Variants in COL22A1 observed in about 807,000 individuals in gnomAD.
The protein encoded by COL22A1 is collagen type XXII alpha 1 chain.
A neutral mutation model predicts 248.9 loss-of-function variants in COL22A1; 221 were observed. That is an observed-to-expected ratio of 0.89 (90% confidence interval 0.80 to 0.99). The LOEUF (loss-of-function observed/expected upper bound fraction) is 0.99. Ranked by LOEUF, COL22A1 falls within the 50% of genes least tolerant of loss-of-function variation. The pLI is 0.00. For missense variants in COL22A1, 2,240 were observed against 2,179.0 expected, an observed-to-expected ratio of 1.03 and a Z score of -0.56; for synonymous variants, 891 against 793.4, an observed-to-expected ratio of 1.12 and a Z score of -2.07.
rs999834326 is a variant in COL22A1, at chr8:138,604,980, C to T, written c.4105-211G>A. On this transcript the variant is annotated intron_variant, in intron 58 of 64. Coordinates refer to ENST00000303045, the MANE Select transcript of COL22A1 (RefSeq NM_152888.3). ...CACCCCAGGTTAGGAAGAAGAGCCA[C>T]GGGTTAAGAGCTCCTTGTCAATGGG... is the stretch of plus-strand genomic sequence containing the variant. Among the ~76,000 whole-genome samples, 9 of 152,258 alleles carry T rather than the reference C, an allele frequency of 5.9e-5. No individual in the cohort carries two copies. The South Asian group carries it at 8.3e-4, about 14-fold the overall frequency.
intron 26 of COL22A1, among the ~76,000 whole-genome samples, chr8:138,721,276 CAGTTGCCTTTCCA>C (rs1345215035): frequency 2.0e-5 from 3 of 152,222 alleles, no homozygotes; most frequent in Non-Finnish European, 4.4e-5. Context: ...TAATATTCAA[CAGTTGCCTTTCCA>C]AGTTGCCTTT....
intron 62 of COL22A1, among the ~76,000 whole-genome samples, chr8:138,595,898 C>A (rs1213562683): frequency 6.6e-6 from 1 of 152,202 alleles, no homozygotes; most frequent in Non-Finnish European, 1.5e-5. Context: ...TCTCCTCTAA[C>A]TTCCTATTGC....
At chr8:138,891,333 A>G (rs956466629) in intron 1 of COL22A1, among the ~76,000 whole-genome samples, 1 of 152,208 alleles carries the variant, frequency 6.6e-6, no homozygotes, top group Non-Finnish European at 1.5e-5. Context: ...CCCCTTTACC[A>G]GTGATGAACC....
intron 27 of COL22A1, among the ~76,000 whole-genome samples, chr8:138,720,262 T>C (rs562540791): frequency 1.3e-4 from 20 of 152,252 alleles, no homozygotes; most frequent in African/African-American, 3.9e-4. Flanking sequence ...TTTCCTTGCC[T>C]TCTGGCTTTC....
At chr8:138,729,269 G>T (rs1586590567) in intron 23 of COL22A1, among the ~76,000 whole-genome samples, 1 of 152,296 alleles carries the variant, frequency 6.6e-6, no homozygotes, top group South Asian at 2.1e-4. Context: ...AAGGACACGG[G>T]TCTCACCCTG....
intron 23 of COL22A1, among the ~76,000 whole-genome samples, chr8:138,728,306 G>A (rs1278521745): frequency 6.6e-6 from 1 of 152,056 alleles, no homozygotes; most frequent in African/African-American, 2.4e-5. Flanking sequence ...TGGGGTTATG[G>A]GGGTGACAGG....
At chr8:138,890,423 G>T (rs1159288312) in intron 1 of COL22A1, among the ~76,000 whole-genome samples, 15 of 152,106 alleles carry the variant, frequency 9.9e-5, no homozygotes, top group Admixed American at 9.8e-4. Flanking sequence ...AAAAGGAAGA[G>T]GTAAAATTAT....
chr8:138,629,500 C>T (rs1474592632), intron 50 of COL22A1, among the ~76,000 whole-genome samples: 2 of 152,118 alleles, frequency 1.3e-5, no homozygotes, highest in Admixed American at 1.3e-4. Flanking sequence ...AGATGGGCGG[C>T]TTCAAAAGGA....
At chr8:138,786,662 T>C (rs1036037946) in intron 12 of COL22A1, among the ~76,000 whole-genome samples, 1 of 152,122 alleles carries the variant, frequency 6.6e-6, no homozygotes, top group Non-Finnish European at 1.5e-5. Flanking sequence ...TCCCAGCACT[T>C]TGGGAGGCCA....
rs35355736 is a variant in COL22A1 at position 138,795,093 on chromosome 8, T to TA, written c.1596+1725dup. On this transcript the variant is annotated intron_variant, in intron 12 of 64. Transcript: ENST00000303045. ...TTACCACAATTAAATGAAACTCATT[T>TA]AAAAAAAAAAGTGTAAAACAAGAAA... Among the ~76,000 whole-genome samples the TA allele has an allele frequency of 9.4e-3, 1,403 of 149,372 alleles. 24 individuals are homozygous for TA. Among genetic ancestry groups the TA allele is most frequent in the African/African-American group, 0.032 (1,309 of 40,820 alleles).
At chr8:138,736,545 T>C (rs1328228110) in intron 23 of COL22A1, among the ~76,000 whole-genome samples, 2 of 152,002 alleles carry the variant, frequency 1.3e-5, no homozygotes, top group East Asian at 3.9e-4. Context: ...TCACCCCTCA[T>C]CTATGACATG....
chr8:138,686,685 T>G (rs1370491679), intron 37 of COL22A1, among the ~76,000 whole-genome samples: 2 of 152,164 alleles, frequency 1.3e-5, no homozygotes, highest in Non-Finnish European at 2.9e-5. Context: ...GAAAGGCATT[T>G]GGCTCCCTCT....
intron 41 of COL22A1, among the ~76,000 whole-genome samples, chr8:138,668,586 C>T (rs1486589487): frequency 6.6e-6 from 1 of 152,194 alleles, no homozygotes; most frequent in Non-Finnish European, 1.5e-5. Context: ...TTCTAAAAAC[C>T]AGCTTCCCTT....
At chr8:138,650,469 G>A (rs956600070) in intron 45 of COL22A1, among the ~76,000 whole-genome samples, 3 of 152,058 alleles carry the variant, frequency 2.0e-5, no homozygotes, top group Admixed American at 1.3e-4. Flanking sequence ...CTGATTAGTT[G>A]GATCTTACAG....
At chr8:138,812,159 A>G (rs1255452503) in intron 8 of COL22A1, among the ~76,000 whole-genome samples, 1 of 152,164 alleles carries the variant, frequency 6.6e-6, no homozygotes, top group African/African-American at 2.4e-5. Context: ...CAAGTGCTCA[A>G]CAGTTCCCGC....
intron 1 of COL22A1, among the ~76,000 whole-genome samples, chr8:138,900,782 C>T (rs1276614680): frequency 2.0e-5 from 3 of 152,224 alleles, no homozygotes; most frequent in Non-Finnish European, 4.4e-5. Context: ...TTGTCTTAAT[C>T]ACCGGGTGTA....
intron 3 of COL22A1, among the ~76,000 whole-genome samples, chr8:138,871,398 C>G (rs1317320012): frequency 6.6e-6 from 1 of 152,158 alleles, no homozygotes; most frequent in Non-Finnish European, 1.5e-5. Context: ...AGTCCCTGTT[C>G]CCCGGGCCTG....
rs761329543 is a variant in COL22A1, at chr8:138,602,186, T to C, written c.4141-27A>G. Reference sequence around the variant, plus strand: ...TGCAAGGAGAAAGAAAGGACAGTCATTGCCCCGGGCCCTCTGCACTGGTGT... The same window carrying C: ...TGCAAGGAGAAAGAAAGGACAGTCACTGCCCCGGGCCCTCTGCACTGGTGT... On this transcript the variant is annotated intron_variant, in intron 59 of 64. Coordinates refer to ENST00000303045, the MANE Select transcript of COL22A1 (RefSeq NM_152888.3). The C allele has an allele frequency of 5.0e-6, 8 of 1,613,578 alleles. No homozygotes were observed. The East Asian group carries it at 1.6e-4, about 31-fold the overall frequency.
intron 39 of COL22A1, among the ~76,000 whole-genome samples, chr8:138,681,842 A>C (rs989427140): frequency 3.3e-5 from 5 of 152,186 alleles, no homozygotes; most frequent in African/African-American, 1.2e-4. Flanking sequence ...TCACACAAAA[A>C]CATTTTCCCT....
Sources: allele counts gnomAD v4.1 joint callset (sites outside exome capture counted in the v4.1 genomes callset), GRCh38; gene constraint gnomAD v4.1.1; transcripts MANE v1.5; gene names NCBI Gene and HGNC (gene_info 2026-07-23, HGNC 2026-07-21).